The following CLK4 variants were observed in gnomAD, a reference collection of about 807,000 sequenced individuals.
CLK4 encodes CDC like kinase 4.
In CLK4, 37 loss-of-function variants were observed where a neutral mutation model predicts 64.4. The observed-to-expected ratio is 0.57, with a 90% CI of 0.44 to 0.76. The LOEUF (loss-of-function observed/expected upper bound fraction) is 0.76. CLK4 is among the 30% of genes least tolerant of loss of function. The pLI, the probability that CLK4 is intolerant of heterozygous loss-of-function variation, is 0.00. For synonymous variants in CLK4, 175 were observed against 191.6 expected, an observed-to-expected ratio of 0.91 and a Z score of 0.72; for missense variants, 457 against 605.1, an observed-to-expected ratio of 0.76 and a Z score of 2.57.
intron 5 of CLK4, among the ~76,000 whole-genome samples, chr5:178,615,002 T>A (rs1358355243): frequency 2.6e-5 from 4 of 152,218 alleles, no homozygotes; most frequent in Non-Finnish European, 5.9e-5. Flanking sequence ...TGTACTCATT[T>A]TTTTAGAGGC....
intron 1 of CLK4, among the ~76,000 whole-genome samples, chr5:178,625,626 T>A (rs1331099672): frequency 6.6e-6 from 1 of 152,126 alleles, no homozygotes; most frequent in Admixed American, 6.5e-5. Flanking sequence ...TTTTCAAGAC[T>A]TATGTATCTT....
intron 2 of CLK4, chr5:178,619,688 T>C (rs1581710422): frequency 2.1e-6 from 2 of 931,232 alleles, no homozygotes; most frequent in Non-Finnish European, 2.9e-6. Context: ...ATGGACTCTC[T>C]TTCCTAAGAA....
At chr5:178,618,522 A>G (rs1430975307) in intron 3 of CLK4, 34 bp downstream of exon 3, 5 of 1,493,736 alleles carry the variant, frequency 3.3e-6, no homozygotes, top group Non-Finnish European at 4.6e-6. Context: ...CACAAATAAA[A>G]CTCCACTCAA....
At position 178,612,417 on chromosome 5, in the gene CLK4, C is replaced by A; in HGVS notation, c.1050G>T (p.Leu350Phe). The change falls in exon 9 of 13, where the codon TTG becomes TTT. Residue 350 changes from leucine to phenylalanine, a missense_variant and splice_region_variant. Coordinates refer to ENST00000316308, the MANE Select transcript of CLK4 (RefSeq NM_020666.3). Reference sequence around the variant, plus strand: ...TTAGAAAGCCTGGTGTCTACTGACCCAAAATGACCTCGGGAGCTCTGTAGT... The same window carrying A: ...TTAGAAAGCCTGGTGTCTACTGACCAAAAATGACCTCGGGAGCTCTGTAGT... ...TRHYRAPEVI[L>F]ALGWSQPCDV... is the part of the protein sequence containing the mutation. 1 of 1,607,298 alleles carries A rather than the reference C, an allele frequency of 6.2e-7. No individual in the cohort carries two copies. The highest frequency in any genetic ancestry group is 1.1e-5 in the South Asian group (1 of 90,038).
intron 1 of CLK4, among the ~76,000 whole-genome samples, chr5:178,626,627 C>T (rs1457459721): frequency 2.0e-5 from 3 of 152,246 alleles, no homozygotes; most frequent in African/African-American, 7.2e-5. Context: ...CCGACAGGTC[C>T]TAGCGCCCGC....
chr5:178,626,517 G>A (rs934529953), intron 1 of CLK4, among the ~76,000 whole-genome samples: 3 of 152,200 alleles, frequency 2.0e-5, no homozygotes, highest in Non-Finnish European at 4.4e-5. Context: ...GCTTGACTCT[G>A]GAAAACCCCC....
intron 5 of CLK4, among the ~76,000 whole-genome samples, chr5:178,615,513 T>G (rs1266987750): frequency 6.6e-6 from 1 of 152,220 alleles, no homozygotes; most frequent in Non-Finnish European, 1.5e-5. Context: ...AATGTGGGGA[T>G]AATTTAGGAT....
In CLK4 at chr5:178,617,193, A is replaced by C. The variant is rs764310185; in HGVS notation, c.475+151T>G. On this transcript the variant is annotated intron_variant, in intron 4 of 12. Transcript: ENST00000316308. The surrounding 1 kb of genome is among the most constrained non-coding windows in gnomAD (Gnocchi z 5.2). Reference sequence around the variant, plus strand: ...TTTAGAATAGAAATATTTAAATTCTACAGAAAAGAAGAAATATAAAAGAAC... The same window carrying C: ...TTTAGAATAGAAATATTTAAATTCTCCAGAAAAGAAGAAATATAAAAGAAC... The C allele has an allele frequency of 1.3e-5, 9 of 673,534 alleles. No homozygotes were observed. The highest frequency in any genetic ancestry group is 2.0e-5 in the Non-Finnish European group (8 of 394,116). The allele number at this position is 673,534 out of a possible 1,614,324, so 41.7% of individuals were successfully genotyped here.
At chr5:178,608,507 G>A (rs745771048) in intron 9 of CLK4, 49 bp from the exon 10 acceptor site, 1 of 1,394,814 alleles carries the variant, frequency 7.2e-7, no homozygotes, top group Non-Finnish European at 1.0e-6. Context: ...ACTTTTAATT[G>A]ACAGTACATT....
At chr5:178,612,617 C>T (rs1431282022) in intron 8 of CLK4, 72 bp from the exon 9 acceptor site, 2 of 1,456,328 alleles carry the variant, frequency 1.4e-6, no homozygotes, top group South Asian at 1.2e-5. Context: ...AAGGCCAGCA[C>T]ATGAATTATC....
At chr5:178,618,339 T>C (rs1489772193) in intron 3 of CLK4, 5 of 205,512 alleles carry the variant, frequency 2.4e-5, no homozygotes, top group African/African-American at 1.2e-4. Flanking sequence ...CTGCAGAATA[T>C]GAGGAAATGT....
At chr5:178,616,809 A>G in intron 5 of CLK4, 73 bp downstream of exon 5, 1 of 1,145,634 alleles carries the variant, frequency 8.7e-7, no homozygotes, top group Non-Finnish European at 1.3e-6. Flanking sequence ...TAAATAAATA[A>G]AATTTCATCT....
chr5:178,620,611 T>C (rs1205888197), intron 2 of CLK4: 5 of 456,242 alleles, frequency 1.1e-5, no homozygotes, highest in Admixed American at 9.4e-5. Context: ...TATTTCACTA[T>C]AGCCTTTCAA....
chr5:178,608,748 G>A (rs1002972717), intron 9 of CLK4, among the ~76,000 whole-genome samples: 9 of 152,182 alleles, frequency 5.9e-5, no homozygotes, highest in Non-Finnish European at 1.3e-4. Flanking sequence ...ATATTCCATA[G>A]TCTCTGAACT....
chr5:178,619,583 CT>C (rs1159104040), intron 2 of CLK4: 2 of 237,478 alleles, frequency 8.4e-6, no homozygotes, highest in African/African-American at 4.5e-5. Context: ...CCTGTCATTC[CT>C]GTTTGAGAAA....
chr5:178,612,488 C>G lies in CLK4; in HGVS notation c.979G>C (p.Ala327Pro). Residue 327 changes from alanine to proline, a missense_variant, in exon 9 of 13, where the codon GCA becomes CCA. Ala to Pro is a conservative substitution (Grantham distance 27). Coordinates refer to ENST00000316308, the MANE Select transcript of CLK4 (RefSeq NM_020666.3). ...CTGTGATGTTCATCATCATACGTTG[C>G]ACTTCCAAAGTCAACAACTTTGATA... ...TDIKVVDFGS[A>P]TYDDEHHSTL... 6.2e-7 allele frequency: 1 copy of G among 1,613,970 alleles called. No individual in the cohort carries two copies. Among genetic ancestry groups the G allele is most frequent in the Non-Finnish European group, 8.5e-7 (1 of 1,179,882 alleles).
chr5:178,603,575 T>G lies in CLK4; in HGVS notation c.*42A>C, dbSNP rs1764416912. On this transcript the variant is annotated 3_prime_UTR_variant, in exon 13 of 13. Coordinates refer to ENST00000316308, the MANE Select transcript of CLK4 (RefSeq NM_020666.3). ...AGTTGACTGACACAGTCTTAAGTAA[T>G]CTCTTCTAGAGAAGTATATAGTAAG... 2 of 1,401,532 alleles carry G rather than the reference T, an allele frequency of 1.4e-6. No individual in the cohort carries two copies. The highest frequency in any genetic ancestry group is 5.2e-5 in the Admixed American group (2 of 38,726). 86.8% of individuals were successfully genotyped at this position (1,401,532 alleles called of 1,614,324 possible).
rs372056506 is a variant in CLK4, at chr5:178,603,871, A to G, written c.1278T>C (p.Tyr426=). 3.5e-5 allele frequency: 56 copies of G among 1,611,770 alleles called. No homozygotes were observed. Among genetic ancestry groups the G allele is most frequent in the African/African-American group, 6.7e-5 (5 of 74,732 alleles). The change falls in exon 12 of 13, where the codon TAT becomes TAC. Residue 426 remains tyrosine, a synonymous_variant. Coordinates refer to ENST00000316308, the MANE Select transcript of CLK4 (RefSeq NM_020666.3). ...TCAACGGTTTGCAGCGTCTCCTAAC[A>G]TATCTACCAGCAGAACTGTGTTCAT... is the stretch of plus-strand genomic sequence containing the variant. ...DWDEHSSAGR[Y]VRRRCKPLKE...
intron 2 of CLK4, among the ~76,000 whole-genome samples, chr5:178,621,566 C>T (rs1581711275): frequency 6.6e-6 from 1 of 152,158 alleles, no homozygotes; most frequent in East Asian, 1.9e-4. Flanking sequence ...TTCAAATGAT[C>T]AATAAATATA....
Sources: gnomAD v4.1 joint callset for allele counts (sites outside exome capture counted in the v4.1 genomes callset) on GRCh38, gnomAD v4.1.1 for gene constraint, Gnocchi (gnomAD v3.1) non-coding constraint, MANE v1.5 for transcripts, NCBI Gene and HGNC (gene_info 2026-07-23, HGNC 2026-07-21) for gene names.